The following DMPK variants were observed in gnomAD, a reference collection of about 807,000 sequenced individuals.
The protein encoded by DMPK is DM1 protein kinase.
Under a neutral mutation model 70.3 loss-of-function variants are expected in DMPK, and 32 were observed. The observed-to-expected ratio is 0.46, with a 90% CI of 0.34 to 0.61. DMPK has a LOEUF of 0.61. Ranked by LOEUF, DMPK falls within the 20% of genes least tolerant of loss-of-function variation. DMPK has a pLI of 0.01. For missense variants in DMPK, 899 were observed against 886.0 expected (o/e 1.01, Z -0.19); for synonymous variants, 469 against 390.9 (o/e 1.20, Z -2.36).
chr19:45,770,224 AGC>A lies in DMPK; in HGVS notation c.*262_*263del. The A allele has an allele frequency of 1.5e-4, 22 of 151,260 alleles. No homozygotes were observed. In the South Asian group the frequency reaches 3.9e-3, roughly 27 times the overall value. The allele number at this position is 151,260 out of a possible 1,614,324, so 9.4% of individuals were successfully genotyped here. The stretch of plus-strand genomic sequence containing the variant: ...TCCCCCCAGCAGCAGCAGCAGCAGC[AGC>A]AGCAGCAGCAGCAGCAGCAGCAGCA... On this transcript the variant is annotated 3_prime_UTR_variant, in exon 15 of 15. Coordinates refer to ENST00000291270, the MANE Select transcript of DMPK (RefSeq NM_004409.5).
intron 1 of DMPK, among the ~76,000 whole-genome samples, chr19:45,781,903 G>T (rs1244814175): frequency 6.6e-6 from 1 of 152,176 alleles, no homozygotes; most frequent in Non-Finnish European, 1.5e-5. Context: ...GGGGTGCAGA[G>T]AGGCCATGGG....
intron 9 of DMPK, among the ~76,000 whole-genome samples, chr19:45,773,182 T>G (rs1969572478): frequency 6.6e-6 from 1 of 152,134 alleles, no homozygotes; most frequent in Non-Finnish European, 1.5e-5. Context: ...GATGGCAACT[T>G]GAGGTCAGCA....
rs1334510631 is a variant in DMPK at position 45,770,403 on chromosome 19, G to GA, written c.*84_*85insT. On this transcript the variant is annotated 3_prime_UTR_variant, in exon 15 of 15. Transcript: ENST00000291270. ...CCCACGCTCGGAGCGGTTGTGAACT[G>GA]GCAGGCGGTGGGCGCGGCTTCTGTG... The GA allele has an allele frequency of 2.0e-6, 3 of 1,487,050 alleles. No homozygotes were observed. In the African/African-American group the frequency reaches 4.2e-5, roughly 21 times the overall value. 92.1% of individuals were successfully genotyped at this position (1,487,050 alleles called of 1,614,324 possible).
chr19:45,778,258 C>T (rs778049248), intron 5 of DMPK, 38 bp from the exon 6 acceptor site: 3 of 1,576,236 alleles, frequency 1.9e-6, no homozygotes, highest in Admixed American at 1.7e-5. Flanking sequence ...ATAAATGAAC[C>T]TCCCTTCTGT....
rs1307181562 is a variant in DMPK, at chr19:45,775,043, GAC to G, written c.1147-11_1147-10del. 1.9e-6 allele frequency: 3 copies of G among 1,612,218 alleles called. No individual in the cohort carries two copies. The highest frequency in any genetic ancestry group is 4.5e-5 in the East Asian group (2 of 44,862). ...ATGTCCGACAGTGTCTCCTGCGCAA[GAC>G]ACACAGATGTGAGCAGCAGTCGTCA... On this transcript the variant is annotated splice_polypyrimidine_tract_variant and intron_variant, in intron 8 of 14. Transcript: ENST00000291270.
Position 45,771,342 on chromosome 19 carries a change from G to GCCCT in DMPK, c.1647+7_1647+8insAGGG. 6.3e-7 allele frequency: 1 copy of GCCCT among 1,589,792 alleles called. No individual in the cohort carries two copies. Among genetic ancestry groups the GCCCT allele is most frequent in the Non-Finnish European group, 8.5e-7 (1 of 1,171,828 alleles). ...AGGTCTGAGGCAGGGGAAAGAGAGGGGTCTTACATGGGAAGGTGGATCCGT... is the reference window on the plus strand; with the variant it reads ...AGGTCTGAGGCAGGGGAAAGAGAGGGCCCTGTCTTACATGGGAAGGTGGATCCGT... On this transcript the variant is annotated splice_region_variant and intron_variant, in intron 13 of 14. Coordinates refer to ENST00000291270, the MANE Select transcript of DMPK (RefSeq NM_004409.5).
intron 14 of DMPK, 107 bp from the exon 15 acceptor site, chr19:45,770,747 C>A: frequency 2.3e-6 from 3 of 1,320,618 alleles, no homozygotes; most frequent in Non-Finnish European, 3.1e-6. Context: ...CTGCGCCCCG[C>A]CCCCGCCCCA....
chr19:45,779,079 A>T, intron 4 of DMPK, 185 bp downstream of exon 4: 1 of 641,882 alleles, frequency 1.6e-6, no homozygotes, highest in Non-Finnish European at 2.8e-6. Flanking sequence ...AGTGAAGGAC[A>T]CCATCCCCGT....
chr19:45,773,972 T>C (rs7258468), intron 9 of DMPK, among the ~76,000 whole-genome samples: 47,116 of 148,490 alleles, frequency 0.32, 7,454 homozygotes, highest in Non-Finnish European at 0.36. Flanking sequence ...TTTTTTTTTT[T>C]TGAGATGAAG....
chr19:45,779,186 C>T, intron 4 of DMPK, 78 bp downstream of exon 4: 7 of 1,461,806 alleles, frequency 4.8e-6, no homozygotes, highest in Non-Finnish European at 6.7e-6. Context: ...AATCCTAGAG[C>T]TTCCTCTCCC....
At chr19:45,771,086 C>G (rs1230539930) in intron 13 of DMPK, 26 bp from the exon 14 acceptor site, 2 of 1,504,306 alleles carry the variant, frequency 1.3e-6, no homozygotes, top group Non-Finnish European at 1.8e-6. Flanking sequence ...ACAGGTGACC[C>G]GATCGGAGCC....
chr19:45,772,719 T>C lies in DMPK; in HGVS notation c.1266A>G (p.Glu422=). The C allele has an allele frequency of 6.6e-7, 1 of 1,515,548 alleles. No homozygotes were observed. The highest frequency in any genetic ancestry group is 8.7e-7 in the Non-Finnish European group (1 of 1,144,066). The allele number at this position is 1,515,548 out of a possible 1,614,324, so 93.9% of individuals were successfully genotyped here. The stretch of plus-strand genomic sequence containing the variant: ...GCTCAAGCAGCTGCTCGGCCTCCAG[T>C]TCCATGGGTGTGGGGCCTGGGACCT... ...DSEVPGPTPM[E]LEAEQLLEPH... The change falls in exon 10 of 15, where the codon GAA becomes GAG. Residue 422 remains glutamate (E), a synonymous_variant. Transcript: ENST00000291270.
intron 12 of DMPK, 34 bp downstream of exon 12, chr19:45,771,534 G>C: frequency 1.2e-6 from 2 of 1,613,446 alleles, no homozygotes; most frequent in Non-Finnish European, 1.7e-6. Flanking sequence ...CCTCCTCCCG[G>C]TCCTCCGGGG....
chr19:45,782,091 A>C, intron 1 of DMPK, 102 bp downstream of exon 1: 44 of 1,004,122 alleles, frequency 4.4e-5, no homozygotes, highest in East Asian at 2.5e-4. Flanking sequence ...CCCCATGCCC[A>C]TCCTGCCATC....
rs765751328 is a variant in DMPK, at chr19:45,779,770, C to T, written c.252+8G>A. ...AGTCAAGTCAGGCTCCCGCCCGGTT[C>T]GGCTTACCTCGCTGAACGCCCCGCG... On this transcript the variant is annotated splice_region_variant and intron_variant, in intron 2 of 14. Coordinates refer to ENST00000291270, the MANE Select transcript of DMPK (RefSeq NM_004409.5). 4.5e-6 allele frequency: 7 copies of T among 1,543,080 alleles called. No homozygotes were observed. The highest frequency in any genetic ancestry group is 1.2e-5 in the South Asian group (1 of 80,514).
rs753018860 is a variant in DMPK at position 45,782,253 on chromosome 19, G to A, written c.100C>T (p.Gln34Ter). Residue 34 changes from glutamine (Q) to a stop codon, truncating the protein, a stop_gained, in exon 1 of 15, where the codon CAG becomes TAG. Coordinates refer to ENST00000291270, the MANE Select transcript of DMPK (RefSeq NM_004409.5). LOFTEE classifies it high-confidence loss of function. ...GCCAGTTCGGAGGCGCCCAGCTCCTGGTGGACGCCCAGGAGAAGGTCGAGC... is the reference window on the plus strand; with the variant it reads ...GCCAGTTCGGAGGCGCCCAGCTCCTAGTGGACGCCCAGGAGAAGGTCGAGC... ...PLLDLLLGVH[Q>*]ELGASELAQD... 2 of 1,609,740 alleles carry A rather than the reference G, an allele frequency of 1.2e-6. No homozygotes were observed. Among genetic ancestry groups the A allele is most frequent in the Non-Finnish European group, 1.7e-6 (2 of 1,178,780 alleles).
rs1462011508 is a variant in DMPK, at chr19:45,775,041, A to G, written c.1147-7T>C. 1.2e-6 allele frequency: 2 copies of G among 1,612,110 alleles called. No individual in the cohort carries two copies. The highest frequency in any genetic ancestry group is 1.7e-5 in the Admixed American group (1 of 59,936). ...GAATGTCCGACAGTGTCTCCTGCGC[A>G]AGACACACAGATGTGAGCAGCAGTC... On this transcript the variant is annotated splice_polypyrimidine_tract_variant and splice_region_variant and intron_variant, in intron 8 of 14. Transcript: ENST00000291270.
At chr19:45,780,432 C>T in intron 1 of DMPK, 1 of 1,328,870 alleles carries the variant, frequency 7.5e-7, no homozygotes. Context: ...TCACATATCC[C>T]AGACTCAAGT....
rs1600428977 is a variant in DMPK, at chr19:45,774,989, G to C, written c.1192C>G (p.Leu398Val). The change falls in exon 9 of 15, where the codon CTG becomes GTG. Residue 398 changes from leucine (L) to valine (V), a missense_variant. Physicochemically the swap from Leu to Val is conservative, Grantham distance 32. This residue lies in a region of DMPK where 555 missense variants were observed against 483.8 expected (regional missense o/e 1.15). Transcript: ENST00000291270. The part of the protein sequence containing the change: ...IREGAPLGVH[L>V]PFVGYSYSCM... ...GAGTAGGAGTAGCCCACAAAAGGCA[G>C]GTGGACCCCTAGCGGCGCACCTTCC... 2 of 1,614,032 alleles carry C rather than the reference G, an allele frequency of 1.2e-6. No individual in the cohort carries two copies. The highest frequency in any genetic ancestry group is 1.1e-5 in the South Asian group (1 of 91,080).
Sources: allele counts gnomAD v4.1 joint callset (sites outside exome capture counted in the v4.1 genomes callset), GRCh38; gene constraint gnomAD v4.1.1; regional missense constraint gnomAD v4.1.1; transcripts MANE v1.5; gene names NCBI Gene and HGNC (gene_info 2026-07-23, HGNC 2026-07-21).